The following HMGA2 variants were observed in gnomAD, a reference collection of about 807,000 sequenced individuals.
HMGA2 encodes the protein high mobility group protein HMGI-C.
HMGA2 carries 8 observed loss-of-function variants against 19.1 expected under a neutral mutation model. The ratio of observed to expected loss-of-function variants is 0.42; its 90% confidence interval spans 0.25 to 0.76. The LOEUF (loss-of-function observed/expected upper bound fraction) is 0.76. Ranked by LOEUF, HMGA2 falls within the 30% of genes least tolerant of loss-of-function variation. HMGA2 has a pLI of 0.28. For missense variants in HMGA2, 109 were observed against 136.3 expected, an observed-to-expected ratio of 0.80 and a Z score of 1.00; for synonymous variants, 60 against 48.8, an observed-to-expected ratio of 1.23 and a Z score of -0.96.
intron 3 of HMGA2, among the ~76,000 whole-genome samples, chr12:65,862,906 G>A (rs1444894191): frequency 1.3e-5 from 2 of 152,198 alleles, no homozygotes; most frequent in African/African-American, 2.4e-5. Context: ...AACTGCCAAC[G>A]GCAGTATGTG....
chr12:65,867,404 C>T (rs951462879), intron 3 of HMGA2: 1 of 417,110 alleles, frequency 2.4e-6, no homozygotes, highest in Admixed American at 2.6e-5. Context: ...AAGCCAGGAA[C>T]CAGCACACTT....
intron 3 of HMGA2, chr12:65,867,630 G>A: frequency 2.9e-6 from 1 of 342,210 alleles, no homozygotes. Context: ...GTGTAAAAGT[G>A]GAGGATATGA....
intron 3 of HMGA2, among the ~76,000 whole-genome samples, chr12:65,849,736 ATTTTTTTTT>A (rs34541445): frequency 1.2e-5 from 1 of 85,128 alleles, no homozygotes; most frequent in African/African-American, 5.4e-5. Context: ...TAGGCTCTGT[ATTTTTTTTT>A]TTTTTTTTTT....
chr12:65,908,548 T>C (rs1027081656), intron 3 of HMGA2, among the ~76,000 whole-genome samples: 1 of 152,230 alleles, frequency 6.6e-6, no homozygotes, highest in East Asian at 1.9e-4. Flanking sequence ...ATGTCTCCAG[T>C]TGTTGCTGGG....
chr12:65,879,996 G>A (rs944866028), intron 3 of HMGA2, among the ~76,000 whole-genome samples: 2 of 152,144 alleles, frequency 1.3e-5, no homozygotes, highest in Non-Finnish European at 2.9e-5. Context: ...AATTATTGCT[G>A]TGCTGTCAAA....
rs79637101 is a variant in HMGA2, at chr12:65,940,964, C to T, written c.250-10419C>T. ...GATCGATATCAACAAAATGAAAACT[C>T]GTGTCATCTCATCTTGAAATGAAAG... is the stretch of plus-strand genomic sequence containing the variant. On this transcript the variant is annotated intron_variant, in intron 3 of 4. Transcript: ENST00000403681. Among the ~76,000 whole-genome samples the T allele has an allele frequency of 4.3e-3, 647 of 152,230 alleles. 10 individuals are homozygous for T. Among genetic ancestry groups the T allele is most frequent in the East Asian group, 0.019 (100 of 5,184 alleles).
chr12:65,924,622 A>T (rs1209205328), intron 3 of HMGA2, among the ~76,000 whole-genome samples: 5 of 152,074 alleles, frequency 3.3e-5, no homozygotes, highest in Non-Finnish European at 1.5e-5. Flanking sequence ...ACATGGTGAA[A>T]ACCCATCTCT....
chr12:65,826,736 T>G (rs1870219481), intron 1 of HMGA2: 1 of 151,212 alleles, frequency 6.6e-6, no homozygotes, highest in South Asian at 2.1e-4. Context: ...CCCCACTTGT[T>G]TCCCACCCGC....
At position 65,965,567 on chromosome 12, in the gene HMGA2, G is replaced by A. The variant is rs1378896545; in HGVS notation, c.*2275G>A. On this transcript the variant is annotated 3_prime_UTR_variant, in exon 5 of 5. Transcript: ENST00000403681. ...CGCTCACTGTTGTGAATCACCAAAG[G>A]AGCTATGGAGAGAATTAAAACTCAA... The A allele has an allele frequency of 4.7e-6, 1 of 212,106 alleles. No homozygotes were observed. The highest frequency in any genetic ancestry group is 1.9e-4 in the South Asian group (1 of 5,344). The allele number at this position is 212,106 out of a possible 1,614,324, so 13.1% of individuals were successfully genotyped here. A position where few individuals can be genotyped will look rare whatever the true frequency, so the allele number is the denominator to read the frequency against.
intron 3 of HMGA2, chr12:65,851,199 G>C (rs1871445844): frequency 6.5e-6 from 1 of 152,996 alleles, no homozygotes; most frequent in South Asian, 2.0e-4. Flanking sequence ...AAAGTATCCA[G>C]TACCTAGTAA....
intron 4 of HMGA2, chr12:65,957,187 T>G (rs1440550167): frequency 6.6e-6 from 1 of 152,232 alleles, no homozygotes; most frequent in Non-Finnish European, 1.5e-5. Flanking sequence ...TGCAAAATTT[T>G]ACACATCTAC....
chr12:65,885,692 A>G (rs1592420772), intron 3 of HMGA2, among the ~76,000 whole-genome samples: 1 of 152,158 alleles, frequency 6.6e-6, no homozygotes, highest in Non-Finnish European at 1.5e-5. Flanking sequence ...ATCTCAAGCC[A>G]TTTGCCTTTG....
intron 3 of HMGA2, among the ~76,000 whole-genome samples, chr12:65,849,720 C>G (rs950515839): frequency 7.2e-6 from 1 of 138,794 alleles, no homozygotes; most frequent in Non-Finnish European, 1.5e-5. Context: ...CAAACCAAGA[C>G]AATGGTAGGC....
At chr12:65,923,169 G>C (rs552137843) in intron 3 of HMGA2, among the ~76,000 whole-genome samples, 2 of 152,088 alleles carry the variant, frequency 1.3e-5, no homozygotes, top group African/African-American at 4.8e-5. Context: ...GAAGGGCAGC[G>C]TGGTCCTCCT....
chr12:65,947,489 T>C (rs1371424814), intron 3 of HMGA2, among the ~76,000 whole-genome samples: 3 of 152,222 alleles, frequency 2.0e-5, no homozygotes, highest in Non-Finnish European at 4.4e-5. Flanking sequence ...TGTTTTGTTC[T>C]GGGAGGAAGC....
chr12:65,842,943 G>A, intron 3 of HMGA2: 1 of 1,081,114 alleles, frequency 9.2e-7, no homozygotes, highest in Non-Finnish European at 1.1e-6. Context: ...CCATCCAGAT[G>A]TTGCTTAGTG....
intron 2 of HMGA2, among the ~76,000 whole-genome samples, chr12:65,830,092 T>C (rs1280188822): frequency 6.6e-6 from 1 of 152,008 alleles, no homozygotes; most frequent in Admixed American, 6.6e-5. Context: ...AAAATCCCTC[T>C]TGTAATAAAA....
At chr12:65,892,157 G>A (rs936057620) in intron 3 of HMGA2, among the ~76,000 whole-genome samples, 1 of 152,348 alleles carries the variant, frequency 6.6e-6, no homozygotes, top group South Asian at 2.1e-4. Flanking sequence ...CGTGGTAGCA[G>A]CATGAAAGAA....
At chr12:65,901,865 C>A (rs1446231471) in intron 3 of HMGA2, among the ~76,000 whole-genome samples, 3 of 152,102 alleles carry the variant, frequency 2.0e-5, no homozygotes, top group Non-Finnish European at 4.4e-5. Context: ...CAGAACTTTT[C>A]AAACAAAATA....
Sources: allele counts gnomAD v4.1 joint callset (sites outside exome capture counted in the v4.1 genomes callset), GRCh38; gene constraint gnomAD v4.1.1; transcripts MANE v1.5; gene names NCBI Gene and HGNC (gene_info 2026-07-23, HGNC 2026-07-21).